The following LMNB2 variants were observed in gnomAD, a reference collection of about 807,000 sequenced individuals.
LMNB2 encodes the protein lamin-B2.
A neutral mutation model predicts 69.3 loss-of-function variants in LMNB2; 17 were observed. That is an observed-to-expected ratio of 0.25 (90% CI 0.17 to 0.37). The LOEUF (loss-of-function observed/expected upper bound fraction) is 0.37. LMNB2 is among the 10% of genes least tolerant of loss of function. The pLI is 1.00. For synonymous variants in LMNB2, 397 were observed against 389.3 expected, an observed-to-expected ratio of 1.02 and a Z score of -0.23; for missense variants, 789 against 883.6, an observed-to-expected ratio of 0.89 and a Z score of 1.36.
At chr19:2,449,154 C>T (rs1282135622) in intron 1 of LMNB2, among the ~76,000 whole-genome samples, 1 of 152,218 alleles carries the variant, frequency 6.6e-6, no homozygotes, top group Non-Finnish European at 1.5e-5. Flanking sequence ...GCCCCAGCCT[C>T]CCAAAGTACT....
At position 2,433,987 on chromosome 19, in the gene LMNB2, C is replaced by G; in HGVS notation, c.1321G>C (p.Val441Leu). The G allele has an allele frequency of 3.7e-6, 6 of 1,610,236 alleles. No homozygotes were observed. Among genetic ancestry groups the G allele is most frequent in the Non-Finnish European group, 5.1e-6 (6 of 1,179,358 alleles). Reference sequence around the variant, plus strand: ...GGGCCGCTGCCCAAGGGCTCCTCCACCTCCAGCCGCTTCCGCTTACTGCGG... The same window carrying G: ...GGGCCGCTGCCCAAGGGCTCCTCCAGCTCCAGCCGCTTCCGCTTACTGCGG... ...LGRSKRKRLE[V>L]EEPLGSGPSV... The change falls in exon 8 of 12, where the codon GTG (valine) becomes CTG (leucine). Residue 441 changes from valine to leucine, a missense_variant. Physicochemically the swap from Val to Leu is conservative, Grantham distance 32. Transcript: ENST00000325327.
rs4807269 is a variant in LMNB2, at chr19:2,447,989, G to T, written c.265-3449C>A. On this transcript the variant is annotated intron_variant, in intron 1 of 11. Transcript: ENST00000325327. This position sits in a 1 kb window ranked among gnomAD's most constrained non-coding sequence, Gnocchi z 4.4. Reference sequence around the variant, plus strand: ...CTGAGGCACGGGTCAGTAAAAAGCCGCCTCCTGACCACCGCTGGGTCCTAG... The same window carrying T: ...CTGAGGCACGGGTCAGTAAAAAGCCTCCTCCTGACCACCGCTGGGTCCTAG... Among the ~76,000 whole-genome samples, 56,307 of 152,028 alleles carry T rather than the reference G, an allele frequency of 0.37. 11,281 individuals are homozygous for T. Among genetic ancestry groups the T allele is most frequent in the African/African-American group, 0.54 (22,388 of 41,454 alleles).
intron 2 of LMNB2, among the ~76,000 whole-genome samples, chr19:2,440,850 C>T (rs1484601208): frequency 6.6e-6 from 1 of 152,218 alleles, no homozygotes; most frequent in Non-Finnish European, 1.5e-5. Context: ...CCATCATCCA[C>T]CCATCTCCCT....
At chr19:2,432,597 C>G in intron 8 of LMNB2, 74 bp from the exon 9 acceptor site, 1 of 1,238,410 alleles carries the variant, frequency 8.1e-7, no homozygotes, top group Non-Finnish European at 1.2e-6. Flanking sequence ...TGGCTGGTGG[C>G]CCCATCACCC....
intron 4 of LMNB2, chr19:2,436,944 G>C (rs1971833810): frequency 1.3e-5 from 2 of 152,482 alleles, no homozygotes; most frequent in African/African-American, 4.8e-5. Context: ...GCACGTTCCT[G>C]GGCCCCCGCA....
chr19:2,439,402 G>A (rs760647324), intron 2 of LMNB2, among the ~76,000 whole-genome samples: 1 of 151,998 alleles, frequency 6.6e-6, no homozygotes, highest in Admixed American at 6.6e-5. Context: ...GGACATCCAG[G>A]GTTCCGCAGC....
At position 2,430,687 on chromosome 19, in the gene LMNB2, G is replaced by A. The variant is rs1971728514; in HGVS notation, c.*224C>T. 1.6e-6 allele frequency: 1 copy of A among 626,212 alleles called. No individual in the cohort carries two copies. Among genetic ancestry groups the A allele is most frequent in the Non-Finnish European group, 2.9e-6 (1 of 341,466 alleles). The allele number at this position is 626,212 out of a possible 1,614,324, so 38.8% of individuals were successfully genotyped here. On this transcript the variant is annotated 3_prime_UTR_variant, in exon 12 of 12. Transcript: ENST00000325327. ...ATTTGACCAAATGGTGAGATGAGGA[G>A]TGGGGTGGGATTGAAAAGTCTCCGG...
At chr19:2,441,479 C>T (rs537549623) in intron 2 of LMNB2, among the ~76,000 whole-genome samples, 27 of 152,382 alleles carry the variant, frequency 1.8e-4, no homozygotes, top group Middle Eastern at 3.4e-3. Flanking sequence ...GTGCAGATCC[C>T]GCATCTCTGA....
chr19:2,451,224 G>A (rs941601696), intron 1 of LMNB2, among the ~76,000 whole-genome samples: 2 of 152,280 alleles, frequency 1.3e-5, no homozygotes, highest in African/African-American at 2.4e-5. Context: ...ATTCCAGCCT[G>A]GAAAACGAGA....
intron 2 of LMNB2, among the ~76,000 whole-genome samples, chr19:2,442,690 C>T (rs1283599369): frequency 3.3e-5 from 5 of 152,056 alleles, no homozygotes; most frequent in African/African-American, 7.2e-5. Flanking sequence ...GAGGCTGCAG[C>T]GAGCTATGAT....
Position 2,434,903 on chromosome 19 carries a change from G to A in LMNB2, c.866C>T (p.Ala289Val), listed in dbSNP as rs1294163084. Residue 289 changes from alanine to valine, a missense_variant, in exon 6 of 12, where the codon GCC becomes GTC. Coordinates refer to ENST00000325327, the MANE Select transcript of LMNB2 (RefSeq NM_032737.4). ...GTCGTTCTGGTCAGAGCTCAGCTTG[G>A]CGCTGTCCAGCTGTGGGGAGACGGG... Reference protein sequence around the residue: ...EQTYQAKLDSAKLSSDQNDKA... With the variant: ...EQTYQAKLDSVKLSSDQNDKA... The A allele has an allele frequency of 6.2e-7, 1 of 1,604,308 alleles. No individual in the cohort carries two copies. Among genetic ancestry groups the A allele is most frequent in the East Asian group, 2.2e-5 (1 of 44,794 alleles).
rs750190446 is a variant in LMNB2 at position 2,438,429 on chromosome 19, G to A, written c.504C>T (p.Ser168=). The A allele has an allele frequency of 2.0e-5, 32 of 1,612,414 alleles. No homozygotes were observed. In the African/African-American group the frequency reaches 2.0e-4, roughly 10 times the overall value. ...CGTCACTCTCCAGGCCGCGCTTGTC[G>A]CTGAGGGCAGCTGCCAGCTCCACCT... ...RSEVELAAAL[S]DKRGLESDVA... Residue 168 remains serine (S), a synonymous_variant, in exon 3 of 12, where the codon AGC becomes AGT. Coordinates refer to ENST00000325327, the MANE Select transcript of LMNB2 (RefSeq NM_032737.4).
intron 4 of LMNB2, 23 bp from the exon 5 acceptor site, chr19:2,435,194 C>A: frequency 5.0e-6 from 8 of 1,598,198 alleles, no homozygotes; most frequent in Non-Finnish European, 6.8e-6. Context: ...GCTTCGTGAC[C>A]CTCTGGTCCC....
At chr19:2,434,585 G>A in intron 6 of LMNB2, 70 bp from the exon 7 acceptor site, 1 of 1,546,040 alleles carries the variant, frequency 6.5e-7, no homozygotes, top group Non-Finnish European at 8.8e-7. Flanking sequence ...TCCTGGGACT[G>A]CGGGAGATGG....
chr19:2,444,522 G>A lies in LMNB2; in HGVS notation c.283C>T (p.Leu95=). ...GCATCGGCCAGCTCCGACTCGTACA[G>A]CGCCTTGATGCCACTCACCTGGGGA... The part of the protein sequence containing the change: ...TTREVSGIKA[L]YESELADARR... Residue 95 remains leucine (L), a synonymous_variant, in exon 2 of 12, where the codon CTG becomes TTG. Transcript: ENST00000325327. 1 of 1,611,142 alleles carries A rather than the reference G, an allele frequency of 6.2e-7. No individual in the cohort carries two copies. Among genetic ancestry groups the A allele is most frequent in the Non-Finnish European group, 8.5e-7 (1 of 1,180,018 alleles).
chr19:2,448,761 T>C (rs908958784), intron 1 of LMNB2, among the ~76,000 whole-genome samples: 3 of 151,950 alleles, frequency 2.0e-5, no homozygotes, highest in Non-Finnish European at 4.4e-5. Flanking sequence ...GGCAGGAAAA[T>C]TGCTTGAACC....
At position 2,433,944 on chromosome 19, in the gene LMNB2, C is replaced by T; in HGVS notation, c.1364G>A (p.Gly455Asp). 6.2e-7 allele frequency: 1 copy of T among 1,612,182 alleles called. No individual in the cohort carries two copies. The highest frequency in any genetic ancestry group is 8.5e-7 in the Non-Finnish European group (1 of 1,179,792). ...GTGGAAGCCACCGCTGCCACCCGTG[C>T]CCGTGCCCAGGACGCTTGGGCCGCT... ...LGSGPSVLGT[G>D]TGGSGGFHLA... Residue 455 changes from glycine to aspartate, a missense_variant, in exon 8 of 12, where the codon GGC (glycine) becomes GAC (aspartate). By Grantham distance (94) the Gly-to-Asp change is moderately conservative (BLOSUM62 -1). This residue lies in a region of LMNB2 where 609 missense variants were observed against 630.9 expected (regional missense o/e 0.97). Coordinates refer to ENST00000325327, the MANE Select transcript of LMNB2 (RefSeq NM_032737.4).
chr19:2,434,618 G>A, intron 6 of LMNB2, 103 bp from the exon 7 acceptor site: 1 of 1,510,914 alleles, frequency 6.6e-7, no homozygotes, highest in East Asian at 2.4e-5. Context: ...GACTGGGGCA[G>A]AGACCAGGCC....
Position 2,431,769 on chromosome 19 carries a change from C to G in LMNB2, c.1710+14G>C. 6.2e-7 allele frequency: 1 copy of G among 1,613,804 alleles called. No homozygotes were observed. Among genetic ancestry groups the G allele is most frequent in the Non-Finnish European group, 8.5e-7 (1 of 1,179,864 alleles). ...GGACTCCAGCCGAGCACCCCCCAAG[C>G]CACACACACCCACCTCGCCATCCGC... On this transcript the variant is annotated intron_variant, in intron 10 of 11. Coordinates refer to ENST00000325327, the MANE Select transcript of LMNB2 (RefSeq NM_032737.4).
Sources: allele counts gnomAD v4.1 joint callset (sites outside exome capture counted in the v4.1 genomes callset), GRCh38; gene constraint gnomAD v4.1.1; regional missense constraint gnomAD v4.1.1; non-coding constraint Gnocchi (gnomAD v3.1); transcripts MANE v1.5; gene names NCBI Gene and HGNC (gene_info 2026-07-23, HGNC 2026-07-21).